Variants in CELA2A observed in about 807,000 individuals in gnomAD.
The protein encoded by CELA2A is chymotrypsin like elastase 2A.
CELA2A carries 31 observed loss-of-function variants against 35.3 expected under a neutral mutation model. The ratio of observed to expected loss-of-function variants is 0.88; its 90% confidence interval spans 0.66 to 1.19. The LOEUF is 1.19. CELA2A is among the 50% of genes most tolerant of loss of function. The pLI is 0.00. For missense variants in CELA2A, 330 were observed against 352.9 expected (o/e 0.94, Z 0.52); for synonymous variants, 150 against 149.8 (o/e 1.00, Z -0.01).
At chr1:15,469,216 A>C (rs1184134227) in intron 7 of CELA2A, among the ~76,000 whole-genome samples, 1 of 152,144 alleles carries the variant, frequency 6.6e-6, no homozygotes, top group East Asian at 1.9e-4. Context: ...AGAGTTGCCC[A>C]TGAGAGGGCA....
chr1:15,471,831 T>C (rs182179377), intron 7 of CELA2A, among the ~76,000 whole-genome samples, 159 bp from the exon 8 acceptor site: 120 of 152,242 alleles, frequency 7.9e-4, no homozygotes, highest in African/African-American at 2.7e-3. Context: ...CACATCTTTT[T>C]TTCCGAAACG....
intron 2 of CELA2A, among the ~76,000 whole-genome samples, chr1:15,459,788 T>C (rs1002232011): frequency 3.3e-5 from 5 of 151,920 alleles, no homozygotes; most frequent in Non-Finnish European, 7.4e-5. Flanking sequence ...AGTAAGACAT[T>C]CACTCTGGAG....
At chr1:15,466,878 C>T (rs1457722526) in intron 6 of CELA2A, among the ~76,000 whole-genome samples, 1 of 152,196 alleles carries the variant, frequency 6.6e-6, no homozygotes, top group Non-Finnish European at 1.5e-5. Context: ...CCAGGAACTG[C>T]TCTGTGTTGG....
rs184332975 is a variant in CELA2A, at chr1:15,470,463, G to A, written c.793-1527G>A. On this transcript the variant is annotated intron_variant, in intron 7 of 7. Coordinates refer to ENST00000359621, the MANE Select transcript of CELA2A (RefSeq NM_033440.3). ...AATCCTTAGTTTTTATTCTTTTTCC[G>A]GAAGGTAATACATACTCTTTGTAAA... 5.1e-3 allele frequency among the ~76,000 whole-genome samples: 773 copies of A among 152,204 alleles called. 9 individuals carry two copies. The highest frequency in any genetic ancestry group is 5.4e-3 in the Non-Finnish European group (366 of 68,018).
At chr1:15,463,619 G>A (rs1293906581) in intron 5 of CELA2A, 97 bp downstream of exon 5, 16 of 1,579,374 alleles carry the variant, frequency 1.0e-5, no homozygotes, top group Middle Eastern at 1.7e-4. Context: ...ATCCCAGGGT[G>A]TGTGGCTGCC....
At chr1:15,471,218 A>C (rs1358359744) in intron 7 of CELA2A, among the ~76,000 whole-genome samples, 7 of 152,284 alleles carry the variant, frequency 4.6e-5, no homozygotes, top group South Asian at 2.1e-4. Flanking sequence ...GATCTCCTGC[A>C]GTTTACAGCA....
At chr1:15,469,654 CA>C (rs1419947600) in intron 7 of CELA2A, among the ~76,000 whole-genome samples, 1 of 152,092 alleles carries the variant, frequency 6.6e-6, no homozygotes, top group Non-Finnish European at 1.5e-5. Flanking sequence ...GCAGAGATTC[CA>C]AAGACGTTTG....
intron 3 of CELA2A, chr1:15,462,330 G>T (rs535670508): frequency 1.2e-5 from 5 of 413,388 alleles, no homozygotes; most frequent in African/African-American, 1.0e-4. Context: ...TTGTAGTTCT[G>T]GTTTCTCACT....
intron 6 of CELA2A, among the ~76,000 whole-genome samples, chr1:15,466,518 C>A (rs1708520186): frequency 6.6e-6 from 1 of 151,740 alleles, no homozygotes; most frequent in South Asian, 2.1e-4. Context: ...GCTGAGATCA[C>A]ACCGCTGCAA....
chr1:15,462,657 A>G, intron 3 of CELA2A, 76 bp from the exon 4 acceptor site: 2 of 1,561,906 alleles, frequency 1.3e-6, no homozygotes, highest in Non-Finnish European at 1.7e-6. Flanking sequence ...GCAGCCAGTT[A>G]CTTGGGTCTA....
At chr1:15,464,667 C>T (rs141013130) in intron 5 of CELA2A, among the ~76,000 whole-genome samples, 9 of 152,252 alleles carry the variant, frequency 5.9e-5, no homozygotes, top group Middle Eastern at 3.4e-3. Flanking sequence ...TCAAATCCTG[C>T]GGTGAGCGGT....
chr1:15,467,680 G>A, intron 7 of CELA2A, 142 bp downstream of exon 7: 2 of 1,045,940 alleles, frequency 1.9e-6, no homozygotes, highest in Non-Finnish European at 2.7e-6. Context: ...CTGCAGACCT[G>A]AGTAACTGCT....
chr1:15,457,039 TG>T (rs748085213), intron 1 of CELA2A, 46 bp from the exon 2 acceptor site: 3 of 1,564,732 alleles, frequency 1.9e-6, no homozygotes, highest in East Asian at 4.5e-5. Context: ...TAGTTTACAT[TG>T]TGTGGGTCGC....
chr1:15,466,808 G>A (rs1252239771), intron 6 of CELA2A, among the ~76,000 whole-genome samples: 4 of 152,110 alleles, frequency 2.6e-5, no homozygotes, highest in Non-Finnish European at 5.9e-5. Flanking sequence ...CATCAATGGC[G>A]CAGCGTGTCC....
intron 2 of CELA2A, among the ~76,000 whole-genome samples, chr1:15,460,485 T>C (rs1047327643): frequency 6.6e-6 from 1 of 152,096 alleles, no homozygotes; most frequent in Admixed American, 6.6e-5. Context: ...CCCACAGTTA[T>C]AGGGAGCCCG....
At chr1:15,459,149 C>T (rs1175078428) in intron 2 of CELA2A, among the ~76,000 whole-genome samples, 1 of 134,174 alleles carries the variant, frequency 7.5e-6, no homozygotes, top group Non-Finnish European at 1.6e-5. Context: ...CACCACTGTG[C>T]TCACCCATAG....
At chr1:15,462,301 T>A (rs1708446568) in intron 3 of CELA2A, 1 of 456,258 alleles carries the variant, frequency 2.2e-6, no homozygotes, top group Non-Finnish European at 4.5e-6. Flanking sequence ...AATAGAGGCC[T>A]ACAGTCAGGA....
Position 15,463,483 on chromosome 1 carries a change from A to G in CELA2A, c.454A>G (p.Asn152Asp), listed in dbSNP as rs562926429. ...LPPAGTILPN[N>D]YPCYVTGWGR... ...TCCTGCCGGCACCATTCTACCCAAC[A>G]ACTACCCCTGCTACGTCACGGGCTG... is the stretch of plus-strand genomic sequence containing the variant. The change falls in exon 5 of 8, where the codon AAC becomes GAC. Residue 152 changes from asparagine to aspartate, a missense_variant. Coordinates refer to ENST00000359621, the MANE Select transcript of CELA2A (RefSeq NM_033440.3). The G allele has an allele frequency of 6.2e-7, 1 of 1,613,884 alleles. No homozygotes were observed. Among genetic ancestry groups the G allele is most frequent in the South Asian group, 1.1e-5 (1 of 91,064 alleles).
chr1:15,464,475 G>A (rs373967781), intron 5 of CELA2A, among the ~76,000 whole-genome samples: 2 of 152,126 alleles, frequency 1.3e-5, no homozygotes, highest in Middle Eastern at 3.2e-3. Flanking sequence ...AGGAAGGGAT[G>A]AGTAATAATG....
Sources: gnomAD v4.1 joint callset for allele counts (sites outside exome capture counted in the v4.1 genomes callset) on GRCh38, gnomAD v4.1.1 for gene constraint, MANE v1.5 for transcripts, NCBI Gene and HGNC (gene_info 2026-07-23, HGNC 2026-07-21) for gene names.